DCHS1: variants seen among roughly 807,000 people sequenced by gnomAD.
DCHS1 encodes protocadherin-16.
Under a neutral mutation model 213.9 loss-of-function variants are expected in DCHS1, and 78 were observed. The observed-to-expected ratio is 0.36, with a 90% confidence interval of 0.30 to 0.44. DCHS1 has a LOEUF of 0.44. Ranked by LOEUF, DCHS1 falls within the 20% of genes least tolerant of loss-of-function variation. The pLI, the probability that DCHS1 is intolerant of heterozygous loss-of-function variation, is 1.00. For synonymous variants in DCHS1, 1,828 were observed against 1,873.7 expected (o/e 0.98, Z 0.63); for missense variants, 3,946 against 4,395.9 (o/e 0.90, Z 2.89).
chr11:6,624,448 A>G, intron 20 of DCHS1, 58 bp from the exon 21 acceptor site: 2 of 1,476,112 alleles, frequency 1.4e-6, no homozygotes, highest in South Asian at 2.6e-5. Context: ...AGTGAACAGA[A>G]GAGTGACCCT....
Position 6,630,878 on chromosome 11 carries a change from G to T in DCHS1, c.3931-15C>A. On this transcript the variant is annotated splice_polypyrimidine_tract_variant and intron_variant, in intron 9 of 20. Coordinates refer to ENST00000299441, the MANE Select transcript of DCHS1 (RefSeq NM_003737.4). ...GAGGGAAGCACCTGTTGTGGACCGG[G>T]GAGGGAGAACAGAATTGTGAGGGCC... is the stretch of plus-strand genomic sequence containing the variant. 1.3e-6 allele frequency: 2 copies of T among 1,508,566 alleles called. No individual in the cohort carries two copies. The highest frequency in any genetic ancestry group is 2.6e-5 in the South Asian group (2 of 77,500). The allele number at this position is 1,508,566 out of a possible 1,614,324, so 93.4% of individuals were successfully genotyped here.
Position 6,627,654 on chromosome 11 carries a change from T to C in DCHS1, c.5385A>G (p.Ser1795=), listed in dbSNP as rs543704132. The change falls in exon 14 of 21, where the codon TCA becomes TCG. Residue 1795 remains serine, a synonymous_variant. Transcript: ENST00000299441. This position sits in a 1 kb window ranked among gnomAD's most constrained non-coding sequence, Gnocchi z 5.4. ...AAGCAAGGTCTAGGACAAAGGCTCCTGATGGGTCCCCATCTGCAGAGAAGG... is the reference window on the plus strand; with the variant it reads ...AAGCAAGGTCTAGGACAAAGGCTCCCGATGGGTCCCCATCTGCAGAGAAGG... The part of the protein sequence containing the change: ...LQYRILDGDP[S]GAFVLDLASG... 3.9e-5 allele frequency: 63 copies of C among 1,612,500 alleles called. 1 individual carries two copies. The South Asian group carries it at 6.7e-4, about 17-fold the overall frequency.
At position 6,622,840 on chromosome 11, in the gene DCHS1, C is replaced by A; in HGVS notation, c.8836G>T (p.Gly2946Ter). The change falls in exon 21 of 21, where the codon GGA becomes TGA. Residue 2946 changes from glycine (G) to a stop codon, truncating the protein, a stop_gained. Coordinates refer to ENST00000299441, the MANE Select transcript of DCHS1 (RefSeq NM_003737.4). LOFTEE classifies it high-confidence loss of function. This position sits in a 1 kb window ranked among gnomAD's most constrained non-coding sequence, Gnocchi z 5.4. The stretch of plus-strand genomic sequence containing the variant: ...GCCAGTGCAAGCACCACCACAACTC[C>A]CAAGGAGGCTGCCACGGCCCCTACT... Reference protein sequence around the residue: ...LLVGAVAASLGVVVVLALAAL... With the variant: ...LLVGAVAASL The A allele has an allele frequency of 6.3e-7, 1 of 1,595,672 alleles. No individual in the cohort carries two copies. Among genetic ancestry groups the A allele is most frequent in the East Asian group, 2.3e-5 (1 of 43,758 alleles).
rs1046196591 is a variant in DCHS1 at position 6,633,342 on chromosome 11, C to T, written c.2455+70G>A. ...GCCCTGTGATACTCTAAGGTATCTT[C>T]GGATGGTGCTGGAGGGTTATACTGG... On this transcript the variant is annotated intron_variant, in intron 5 of 20. Coordinates refer to ENST00000299441, the MANE Select transcript of DCHS1 (RefSeq NM_003737.4). 3.3e-5 allele frequency: 47 copies of T among 1,440,606 alleles called. No individual in the cohort carries two copies. Among genetic ancestry groups the T allele is most frequent in the Admixed American group, 1.7e-4 (8 of 48,378 alleles). 89.2% of individuals were successfully genotyped at this position (1,440,606 alleles called of 1,614,324 possible). A position where few individuals can be genotyped will look rare whatever the true frequency, so the allele number is the denominator to read the frequency against.
chr11:6,624,304 C>G lies in DCHS1; in HGVS notation c.7372G>C (p.Gly2458Arg). 1 of 1,587,480 alleles carries G rather than the reference C, an allele frequency of 6.3e-7. No homozygotes were observed. Among genetic ancestry groups the G allele is most frequent in the Non-Finnish European group, 8.6e-7 (1 of 1,168,020 alleles). The change falls in exon 21 of 21, where the codon GGG becomes CGG. Residue 2458 changes from glycine (G) to arginine (R), a missense_variant. Gly to Arg is a moderately radical substitution (Grantham distance 125). This residue lies in a region of DCHS1 where 3,384 missense variants were observed against 3,780.1 expected (regional missense o/e 0.90). Coordinates refer to ENST00000299441, the MANE Select transcript of DCHS1 (RefSeq NM_003737.4). ...VDVVLEARDH[G>R]APGRAARATV... ...GCTCGTGCTGCCCGGCCTGGAGCCC[C>G]GTGGTCTCGTGCTTCCAGCACCACA...
At position 6,626,933 on chromosome 11, in the gene DCHS1, G is replaced by A. The variant is rs74961719; in HGVS notation, c.6106C>T (p.Leu2036Phe). 2 of 1,613,720 alleles carry A rather than the reference G, an allele frequency of 1.2e-6. No homozygotes were observed. Among genetic ancestry groups the A allele is most frequent in the Non-Finnish European group, 1.7e-6 (2 of 1,179,904 alleles). Residue 2036 changes from leucine to phenylalanine, a missense_variant, in exon 14 of 21, where the codon CTC becomes TTC. Transcript: ENST00000299441. The surrounding 1 kb of genome is among the most constrained non-coding windows in gnomAD (Gnocchi z 5.2). ...CCAAGATCAGTGGCCACAATGAAGA[G>A]GACACGATCTCGGGGGCCTAGAGCT... ...PVALGPRDRV[L>F]FIVATDLGRP... is the part of the protein sequence containing the mutation.
intron 1 of DCHS1, among the ~76,000 whole-genome samples, chr11:6,642,292 G>A (rs1194480474): frequency 1.3e-5 from 2 of 152,176 alleles, no homozygotes; most frequent in African/African-American, 4.8e-5. Context: ...TAGAGGCACT[G>A]AGGATACCAC....
chr11:6,649,299 T>A (rs1309954218), intron 1 of DCHS1, among the ~76,000 whole-genome samples: 6 of 151,538 alleles, frequency 4.0e-5, no homozygotes, highest in Admixed American at 4.0e-4. Flanking sequence ...TGATAAAAGC[T>A]CATATAACTG....
Position 6,626,809 on chromosome 11 carries a change from A to G in DCHS1, c.6230T>C (p.Ile2077Thr). Reference sequence around the variant, plus strand: ...CCCACCTGGGGGCGCATTCTCACGAATCGTAGCCTCACTGCTAGCCCGGGG... The same window carrying G: ...CCCACCTGGGGGCGCATTCTCACGAGTCGTAGCCTCACTGCTAGCCCGGGG... ...RFPRASSEAT[I>T]RENAPPGTPI... The change falls in exon 14 of 21, where the codon ATT (isoleucine) becomes ACT (threonine). Residue 2077 changes from isoleucine to threonine, a missense_variant. By Grantham distance (89) the Ile-to-Thr change is moderately conservative (BLOSUM62 -1). Around this residue, in one of 3 missense-constraint regions of DCHS1, gnomAD observed 3,384 missense variants for 3,780.1 expected, o/e 0.90. Coordinates refer to ENST00000299441, the MANE Select transcript of DCHS1 (RefSeq NM_003737.4). The surrounding 1 kb of genome is among the most constrained non-coding windows in gnomAD (Gnocchi z 5.2). 2 of 1,612,748 alleles carry G rather than the reference A, an allele frequency of 1.2e-6. No individual in the cohort carries two copies. The highest frequency in any genetic ancestry group is 1.7e-6 in the Non-Finnish European group (2 of 1,179,802).
At position 6,626,050 on chromosome 11, in the gene DCHS1, C is replaced by CAG; in HGVS notation, c.6600_6601insCT (p.Gly2201LeufsTer23). 1 of 1,611,544 alleles carries CAG rather than the reference C, an allele frequency of 6.2e-7. No homozygotes were observed. Among genetic ancestry groups the CAG allele is most frequent in the Non-Finnish European group, 8.5e-7 (1 of 1,178,856 alleles). On this transcript the variant is annotated frameshift_variant, in exon 17 of 21. Transcript: ENST00000299441. LOFTEE classifies it high-confidence loss of function. This position sits in a 1 kb window ranked among gnomAD's most constrained non-coding sequence, Gnocchi z 5.2. ...CTGTAGGAAATCTGTCCTCCAGAGC[C>CAG]TTGATCCAGGTCATCCGCCTCCACC...
At position 6,628,061 on chromosome 11, in the gene DCHS1, A is replaced by G. The variant is rs1477416476; in HGVS notation, c.5372-394T>C. Among the ~76,000 whole-genome samples, 2 of 152,242 alleles carry G rather than the reference A, an allele frequency of 1.3e-5. No homozygotes were observed. The highest frequency in any genetic ancestry group is 2.9e-5 in the Non-Finnish European group (2 of 68,042). ...GTGTGTTCTAGAATATTCTAGACAG[A>G]AAGTTTAGAGCATGAATCTGTGTGT... On this transcript the variant is annotated intron_variant, in intron 13 of 20. Coordinates refer to ENST00000299441, the MANE Select transcript of DCHS1 (RefSeq NM_003737.4). The surrounding 1 kb of genome is among the most constrained non-coding windows in gnomAD (Gnocchi z 4.3).
Position 6,625,462 on chromosome 11 carries a change from C to T in DCHS1, c.6882G>A (p.Glu2294=), listed in dbSNP as rs1229603883. The part of the protein sequence containing the change: ...RVSEDALLGS[E]IAQVTGNDVD... ...CATCATTCCCTGTTACCTGTGCAAT[C>T]TCTGAGCCCAATAACGCATCTGGAA... Residue 2294 remains glutamate (E), a synonymous_variant, in exon 19 of 21, where the codon GAG becomes GAA. Transcript: ENST00000299441. This position sits in a 1 kb window ranked among gnomAD's most constrained non-coding sequence, Gnocchi z 5.3. The T allele has an allele frequency of 5.6e-6, 9 of 1,602,868 alleles. No individual in the cohort carries two copies. The highest frequency in any genetic ancestry group is 6.8e-6 in the Non-Finnish European group (8 of 1,173,914).
rs1389337118 is a variant in DCHS1 at position 6,630,209 on chromosome 11, G to C, written c.4585C>G (p.Arg1529Gly). Residue 1529 changes from arginine (R) to glycine (G), a missense_variant, in exon 10 of 21, where the codon CGC becomes GGC. Arg to Gly is a moderately radical substitution (Grantham distance 125, BLOSUM62 -2). This residue lies in a region of DCHS1 where 3,384 missense variants were observed against 3,780.1 expected (regional missense o/e 0.90). Coordinates refer to ENST00000299441, the MANE Select transcript of DCHS1 (RefSeq NM_003737.4). ...GTGACGAAGACGCGCGCTGAAACGC[G>C]CGCTGCACGACGGCGGCTGGCGTTG... ...PANASRRRAARVSARVFVTDE... is the reference protein window; with the variant it reads ...PANASRRRAAGVSARVFVTDE... 1 of 1,573,394 alleles carries C rather than the reference G, an allele frequency of 6.4e-7. No homozygotes were observed. The highest frequency in any genetic ancestry group is 1.2e-5 in the South Asian group (1 of 86,584).
At position 6,622,076 on chromosome 11, in the gene DCHS1, G is replaced by A. The variant is rs1279042828; in HGVS notation, c.9600C>T (p.Asp3200=). 6.8e-6 allele frequency: 11 copies of A among 1,612,604 alleles called. No homozygotes were observed. The highest frequency in any genetic ancestry group is 8.5e-6 in the Non-Finnish European group (10 of 1,179,598). Residue 3200 remains aspartate (D), a synonymous_variant, in exon 21 of 21, where the codon GAC becomes GAT. Coordinates refer to ENST00000299441, the MANE Select transcript of DCHS1 (RefSeq NM_003737.4). The surrounding 1 kb of genome is among the most constrained non-coding windows in gnomAD (Gnocchi z 5.4). ...ARPCPPAPRI[D]PPPLITAVAH... ...CCACGGCAGTGATGAGGGGTGGTGG[G>A]TCGATACGGGGAGCTGGGGGACATG...
At position 6,640,010 on chromosome 11, in the gene DCHS1, G is replaced by A. The variant is rs770502777; in HGVS notation, c.1604C>T (p.Ser535Leu). Reference protein sequence around the residue: ...PTSGIITTAASLDYELEPQPQ... With the variant: ...PTSGIITTAALLDYELEPQPQ... Reference sequence around the variant, plus strand: ...CTGAGGTTCCAACTCATAGTCCAGTGAGGCAGCCGTAGTGATAATGCCTGA... The same window carrying A: ...CTGAGGTTCCAACTCATAGTCCAGTAAGGCAGCCGTAGTGATAATGCCTGA... Residue 535 changes from serine to leucine, a missense_variant, in exon 2 of 21, where the codon TCA becomes TTA. This residue lies in a region of DCHS1 where 3,384 missense variants were observed against 3,780.1 expected (regional missense o/e 0.90). Coordinates refer to ENST00000299441, the MANE Select transcript of DCHS1 (RefSeq NM_003737.4). The surrounding 1 kb of genome is among the most constrained non-coding windows in gnomAD (Gnocchi z 6.5). 3.1e-6 allele frequency: 5 copies of A among 1,613,948 alleles called. No homozygotes were observed. The highest frequency in any genetic ancestry group is 2.2e-5 in the East Asian group (1 of 44,878).
In DCHS1 at chr11:6,627,749, A is replaced by G. The variant is rs1288734749; in HGVS notation, c.5372-82T>C. 7.6e-6 allele frequency: 11 copies of G among 1,440,086 alleles called. No individual in the cohort carries two copies. The East Asian group carries it at 2.6e-4, about 34-fold the overall frequency. The allele number at this position is 1,440,086 out of a possible 1,614,324, so 89.2% of individuals were successfully genotyped here. A position where few individuals can be genotyped will look rare whatever the true frequency, so the allele number is the denominator to read the frequency against. ...TTACAGACAACAGGAGAGAGTGAGC[A>G]TGTGCACAAAAGCAAGTGAACCTTA... is the stretch of plus-strand genomic sequence containing the variant. On this transcript the variant is annotated intron_variant, in intron 13 of 20. Transcript: ENST00000299441. This position sits in a 1 kb window ranked among gnomAD's most constrained non-coding sequence, Gnocchi z 5.4.
chr11:6,654,491 T>C (rs1466662899), intron 1 of DCHS1, among the ~76,000 whole-genome samples: 1 of 152,170 alleles, frequency 6.6e-6, no homozygotes, highest in Non-Finnish European at 1.5e-5. Flanking sequence ...ATGGTATGTG[T>C]TGGCCTTGAC....
rs1855904273 is a variant in DCHS1, at chr11:6,631,337, T to G, written c.3746A>C (p.Asn1249Thr). ...LQAKDPDEGE[N>T]GTILYTLTGP... ...AGTTAGCGTGTACAAGATGGTCCCATTCTCCCCCTCATCTGGATCCTTCGC... is the reference window on the plus strand; with the variant it reads ...AGTTAGCGTGTACAAGATGGTCCCAGTCTCCCCCTCATCTGGATCCTTCGC... The change falls in exon 8 of 21, where the codon AAT becomes ACT. Residue 1249 changes from asparagine (N) to threonine (T), a missense_variant. Coordinates refer to ENST00000299441, the MANE Select transcript of DCHS1 (RefSeq NM_003737.4). The G allele has an allele frequency of 6.2e-7, 1 of 1,613,848 alleles. No homozygotes were observed. Among genetic ancestry groups the G allele is most frequent in the Non-Finnish European group, 8.5e-7 (1 of 1,179,864 alleles).
In DCHS1 at chr11:6,629,477, C is replaced by T. The variant is rs1269068119; in HGVS notation, c.5136G>A (p.Glu1712=). 6.2e-7 allele frequency: 1 copy of T among 1,613,070 alleles called. No homozygotes were observed. Among genetic ancestry groups the T allele is most frequent in the Non-Finnish European group, 8.5e-7 (1 of 1,179,526 alleles). Residue 1712 remains glutamate (E), a synonymous_variant, in exon 12 of 21, where the codon GAG becomes GAA. Coordinates refer to ENST00000299441, the MANE Select transcript of DCHS1 (RefSeq NM_003737.4). ...CTGTCAGGTTGATCTCCTCCTGTTC[C>T]TCTCGATCCAGGGCCCGAAGAGTCG... ...VLTTLRALDR[E]EQEEINLTVY...
Sources: gnomAD v4.1 joint callset for allele counts (sites outside exome capture counted in the v4.1 genomes callset) on GRCh38, gnomAD v4.1.1 for gene constraint, gnomAD v4.1.1 regional missense constraint, Gnocchi (gnomAD v3.1) non-coding constraint, MANE v1.5 for transcripts, NCBI Gene and HGNC (gene_info 2026-07-23, HGNC 2026-07-21) for gene names.